The following WFDC10B variants were observed in gnomAD, a reference collection of about 807,000 sequenced individuals.
WFDC10B encodes protein WFDC10B.
In WFDC10B, 1 loss-of-function variant was observed where a neutral mutation model predicts 2.7. The observed-to-expected ratio is 0.38, with a 90% CI of 0.13 to 1.79. WFDC10B has a LOEUF of 1.79. WFDC10B is among the 40% of genes most tolerant of loss of function. The pLI is 0.33. For missense variants in WFDC10B, 71 were observed against 87.8 expected, an observed-to-expected ratio of 0.81 and a Z score of 0.76; for synonymous variants, 26 against 32.2, an observed-to-expected ratio of 0.81 and a Z score of 0.65.
chr20:45,689,715 T>G (rs944008388), intron 2 of WFDC10B, among the ~76,000 whole-genome samples: 4 of 152,204 alleles, frequency 2.6e-5, no homozygotes, highest in African/African-American at 9.6e-5. Context: ...TTGCTGAAGT[T>G]GCTTATCAAC....
At chr20:45,694,549 T>C (rs750078040) in intron 2 of WFDC10B, among the ~76,000 whole-genome samples, 32 of 152,092 alleles carry the variant, frequency 2.1e-4, no homozygotes, top group African/African-American at 7.2e-4. Context: ...CACCACAGGA[T>C]TGAAGGGAGA....
At chr20:45,703,317 T>C (rs770860084) in intron 2 of WFDC10B, among the ~76,000 whole-genome samples, 7 of 152,092 alleles carry the variant, frequency 4.6e-5, no homozygotes, top group Non-Finnish European at 7.4e-5. Flanking sequence ...TGAGTACTAG[T>C]TATTGGTCTC....
chr20:45,701,882 G>A (rs1984177120), intron 2 of WFDC10B: 1 of 473,072 alleles, frequency 2.1e-6, no homozygotes. Flanking sequence ...ACAGATGAAA[G>A]AGATAGCAAG....
At chr20:45,689,209 T>C (rs1213756889) in intron 2 of WFDC10B, among the ~76,000 whole-genome samples, 3 of 151,498 alleles carry the variant, frequency 2.0e-5, no homozygotes, top group African/African-American at 7.3e-5. Flanking sequence ...TATCTCTGTT[T>C]TGGTACCAGT....
chr20:45,697,422 T>C (rs963422505), intron 2 of WFDC10B, among the ~76,000 whole-genome samples: 21 of 141,236 alleles, frequency 1.5e-4, no homozygotes, highest in African/African-American at 5.6e-4. Flanking sequence ...TCTGGCTCTG[T>C]CACCCAGGCT....
At chr20:45,698,083 G>A (rs772362744) in intron 2 of WFDC10B, among the ~76,000 whole-genome samples, 13 of 152,040 alleles carry the variant, frequency 8.6e-5, no homozygotes, top group South Asian at 4.1e-4. Context: ...CTTGATCCTC[G>A]AGTTCATACA....
intron 2 of WFDC10B, among the ~76,000 whole-genome samples, chr20:45,693,426 C>A (rs1983879730): frequency 6.6e-6 from 1 of 152,248 alleles, no homozygotes; most frequent in Non-Finnish European, 1.5e-5. Context: ...GCCCTGCCCC[C>A]AGAGGTGGAG....
At chr20:45,692,291 G>A (rs1983838211) in intron 2 of WFDC10B, among the ~76,000 whole-genome samples, 1 of 151,826 alleles carries the variant, frequency 6.6e-6, no homozygotes, top group African/African-American at 2.4e-5. Flanking sequence ...TTTCAACTTT[G>A]GTGAATCTGA....
At chr20:45,684,996 G>A (rs779354886) in intron 3 of WFDC10B, 36 bp from the exon 4 acceptor site, 3 of 1,612,138 alleles carry the variant, frequency 1.9e-6, no homozygotes, top group African/African-American at 2.7e-5. Flanking sequence ...ATGAAACCAT[G>A]CACCTATAGA....
chr20:45,693,088 T>C (rs1983866404), intron 2 of WFDC10B, among the ~76,000 whole-genome samples: 1 of 152,156 alleles, frequency 6.6e-6, no homozygotes, highest in African/African-American at 2.4e-5. Flanking sequence ...TTGCTAGAGG[T>C]CCACTCCAGA....
chr20:45,696,592 TA>T (rs1402825220), intron 2 of WFDC10B, among the ~76,000 whole-genome samples: 1 of 151,434 alleles, frequency 6.6e-6, no homozygotes, highest in Non-Finnish European at 1.5e-5. Flanking sequence ...CTTACAGAAC[TA>T]AAAAAATTAT....
At chr20:45,695,356 C>A (rs1010944226) in intron 2 of WFDC10B, among the ~76,000 whole-genome samples, 1 of 152,126 alleles carries the variant, frequency 6.6e-6, no homozygotes, top group Admixed American at 6.5e-5. Flanking sequence ...TCCAGGCCCT[C>A]TTTCAATAAT....
rs2145645398 is a variant in WFDC10B, at chr20:45,704,402, G to A, written c.-65+95C>T. Reference sequence around the variant, plus strand: ...TTTCTGAGTTCTGAACATTACTCCAGCCTGTTGGTGAGGCCCTTCTCTTAC... The same window carrying A: ...TTTCTGAGTTCTGAACATTACTCCAACCTGTTGGTGAGGCCCTTCTCTTAC... On this transcript the variant is annotated intron_variant, in intron 2 of 3. Coordinates refer to ENST00000330523, the MANE Select transcript of WFDC10B (RefSeq NM_172006.2). 5.7e-6 allele frequency: 9 copies of A among 1,586,174 alleles called. No individual in the cohort carries two copies. The East Asian group carries it at 1.8e-4, about 32-fold the overall frequency.
At chr20:45,699,688 T>C (rs1984088271) in intron 2 of WFDC10B, among the ~76,000 whole-genome samples, 1 of 152,192 alleles carries the variant, frequency 6.6e-6, no homozygotes, top group African/African-American at 2.4e-5. Flanking sequence ...ATCCTCTTTT[T>C]TCTCTTTTGA....
intron 2 of WFDC10B, among the ~76,000 whole-genome samples, chr20:45,693,267 A>T (rs1310413539): frequency 6.6e-6 from 1 of 152,174 alleles, no homozygotes. Flanking sequence ...TAGGCTGCTC[A>T]GGAGTCAGGG....
At chr20:45,704,447 A>G (rs762725390) in intron 2 of WFDC10B, 50 bp downstream of exon 2, 2 of 1,613,130 alleles carry the variant, frequency 1.2e-6, no homozygotes, top group Non-Finnish European at 1.7e-6. Context: ...GTTCCAGAGT[A>G]TATCTTGGAA....
intron 2 of WFDC10B, among the ~76,000 whole-genome samples, chr20:45,693,902 A>G (rs1755748019): frequency 6.6e-6 from 1 of 152,178 alleles, no homozygotes; most frequent in South Asian, 2.1e-4. Flanking sequence ...GAAATGCAGA[A>G]ATCACCCGTC....
chr20:45,696,567 G>A (rs1408350247), intron 2 of WFDC10B, among the ~76,000 whole-genome samples: 1 of 151,924 alleles, frequency 6.6e-6, no homozygotes, highest in Admixed American at 6.6e-5. Flanking sequence ...ATTAGAGTGG[G>A]ACATCACCAC....
At chr20:45,685,628 T>C (rs1983585442) in intron 3 of WFDC10B, among the ~76,000 whole-genome samples, 1 of 152,204 alleles carries the variant, frequency 6.6e-6, no homozygotes, top group African/African-American at 2.4e-5. Context: ...TCAGCCCTGG[T>C]TCACCTTTCA....
Sources: allele counts gnomAD v4.1 joint callset (sites outside exome capture counted in the v4.1 genomes callset), GRCh38; gene constraint gnomAD v4.1.1; transcripts MANE v1.5; gene names NCBI Gene and HGNC (gene_info 2026-07-23, HGNC 2026-07-21).